The following BCL2 variants were observed in gnomAD, a reference collection of about 807,000 sequenced individuals.
The protein encoded by BCL2 is BCL2 apoptosis regulator, also known as apoptosis regulator Bcl-2.
BCL2 carries 1 observed loss-of-function variant against 14.2 expected under a neutral mutation model. The observed-to-expected ratio is 0.07, with a 90% confidence interval of 0.02 to 0.33. The LOEUF is 0.33. Ranked by LOEUF, BCL2 falls within the 10% of genes least tolerant of loss-of-function variation. The pLI, the probability that BCL2 is intolerant of heterozygous loss-of-function variation, is 0.99. For missense variants in BCL2, 247 were observed against 305.9 expected, an observed-to-expected ratio of 0.81 and a Z score of 1.44; for synonymous variants, 151 against 137.2, an observed-to-expected ratio of 1.10 and a Z score of -0.70.
At position 63,152,730 on chromosome 18, in the gene BCL2, T is replaced by C. The variant is rs7244494; in HGVS notation, c.586-23971A>G. Among the ~76,000 whole-genome samples the C allele has an allele frequency of 5.7e-3, 867 of 152,350 alleles. 8 individuals carry two copies. The highest frequency in any genetic ancestry group is 0.019 in the African/African-American group (805 of 41,576). Reference sequence around the variant, plus strand: ...CTCAGTGCCTACTAGAGCCTCCTTTTCTCCTGGAAGACATAATGACTTGGG... The same window carrying C: ...CTCAGTGCCTACTAGAGCCTCCTTTCCTCCTGGAAGACATAATGACTTGGG... On this transcript the variant is annotated intron_variant, in intron 2 of 2. Transcript: ENST00000333681.
chr18:63,149,211 G>A lies in BCL2; in HGVS notation c.586-20452C>T, dbSNP rs1388682629. ...GACAATTTTTCCACGAATGGGGTGG[G>A]GGATCATTTCAGGATGAAACTGTTC... On this transcript the variant is annotated intron_variant, in intron 2 of 2. Transcript: ENST00000333681. The surrounding 1 kb of genome is among the most constrained non-coding windows in gnomAD (Gnocchi z 4.2). 6.6e-6 allele frequency among the ~76,000 whole-genome samples: 1 copy of A among 152,182 alleles called. No homozygotes were observed. Among genetic ancestry groups the A allele is most frequent in the Non-Finnish European group, 1.5e-5 (1 of 68,034 alleles).
intron 2 of BCL2, among the ~76,000 whole-genome samples, chr18:63,176,855 C>T (rs552160991): frequency 6.6e-6 from 1 of 152,144 alleles, no homozygotes; most frequent in East Asian, 1.9e-4. Flanking sequence ...TGTTTGTACC[C>T]ATTAATCAGC....
At chr18:63,304,572 T>C (rs1039836345) in intron 2 of BCL2, among the ~76,000 whole-genome samples, 31 of 152,326 alleles carry the variant, frequency 2.0e-4, no homozygotes, top group Admixed American at 5.9e-4. Flanking sequence ...GTTCTTTTAA[T>C]TTTTTTGTTT....
At chr18:63,289,210 T>G (rs1031701547) in intron 2 of BCL2, among the ~76,000 whole-genome samples, 7 of 151,718 alleles carry the variant, frequency 4.6e-5, no homozygotes, top group Non-Finnish European at 1.0e-4. Context: ...AGGAAAAGTA[T>G]AGCAAACATT....
chr18:63,305,897 T>A (rs546951745), intron 2 of BCL2, among the ~76,000 whole-genome samples: 3 of 151,744 alleles, frequency 2.0e-5, no homozygotes, highest in East Asian at 1.9e-4. Flanking sequence ...CAAAGTGAGA[T>A]CCTGTCGCAA....
chr18:63,297,588 C>G (rs1346379909), intron 2 of BCL2, among the ~76,000 whole-genome samples: 2 of 152,246 alleles, frequency 1.3e-5, no homozygotes, highest in East Asian at 3.9e-4. Context: ...CTTTTAGTGA[C>G]TAAATGCCCA....
chr18:63,187,098 C>T (rs1425444190), intron 2 of BCL2, among the ~76,000 whole-genome samples: 3 of 152,202 alleles, frequency 2.0e-5, no homozygotes, highest in African/African-American at 4.8e-5. Flanking sequence ...TCGTTTCATT[C>T]TACACAAGTC....
intron 2 of BCL2, among the ~76,000 whole-genome samples, chr18:63,178,256 G>A (rs1915395847): frequency 6.6e-6 from 1 of 152,134 alleles, no homozygotes; most frequent in African/African-American, 2.4e-5. Context: ...GTGGTCCGCC[G>A]CTGAACAGGA....
intron 2 of BCL2, among the ~76,000 whole-genome samples, chr18:63,304,858 A>G (rs1913073993): frequency 6.6e-6 from 1 of 152,272 alleles, no homozygotes; most frequent in African/African-American, 2.4e-5. Context: ...AAGGACTCTG[A>G]GGAATTCAAA....
In BCL2 at chr18:63,318,292, G is replaced by C. The variant is rs972409029; in HGVS notation, c.375C>G (p.Thr125=). 10 of 1,614,042 alleles carry C rather than the reference G, an allele frequency of 6.2e-6. No homozygotes were observed. In the East Asian group the frequency reaches 2.2e-4, roughly 36 times the overall value. Residue 125 remains threonine (T), a synonymous_variant, in exon 2 of 3, where the codon ACC becomes ACG. Transcript: ENST00000333681. This position sits in a 1 kb window ranked among gnomAD's most constrained non-coding sequence, Gnocchi z 7.4. The part of the protein sequence containing the change: ...MSSQLHLTPF[T]ARGRFATVVE... Reference sequence around the variant, plus strand: ...CCACCGTGGCAAAGCGTCCCCGCGCGGTGAAGGGCGTCAGGTGCAGCTGGC... The same window carrying C: ...CCACCGTGGCAAAGCGTCCCCGCGCCGTGAAGGGCGTCAGGTGCAGCTGGC...
rs115672819 is a variant in BCL2 at position 63,194,888 on chromosome 18, G to A, written c.586-66129C>T. Among the ~76,000 whole-genome samples, 1,049 of 152,338 alleles carry A rather than the reference G, an allele frequency of 6.9e-3. 10 individuals are homozygous for A. Among genetic ancestry groups the A allele is most frequent in the African/African-American group, 0.024 (994 of 41,568 alleles). On this transcript the variant is annotated intron_variant, in intron 2 of 2. Coordinates refer to ENST00000333681, the MANE Select transcript of BCL2 (RefSeq NM_000633.3). The stretch of plus-strand genomic sequence containing the variant: ...AAGGCTTGCCTTGGACTCAGCTTCA[G>A]GATCTGAGAGTCGGCCTGGGGAAGT...
intron 2 of BCL2, among the ~76,000 whole-genome samples, chr18:63,235,063 A>G (rs1050656431): frequency 3.3e-5 from 5 of 152,262 alleles, no homozygotes; most frequent in Admixed American, 1.3e-4. Context: ...ACTACTCGGT[A>G]TGCAAATGAA....
rs570933575 is a variant in BCL2 at position 63,308,673 on chromosome 18, T to C, written c.585+9409A>G. The stretch of plus-strand genomic sequence containing the variant: ...TACTTTTTCAATTCAATGAAAAGGA[T>C]GAAATCAAAACACTTAATAGGTATT... On this transcript the variant is annotated intron_variant, in intron 2 of 2. Transcript: ENST00000333681. 6.8e-4 allele frequency among the ~76,000 whole-genome samples: 104 copies of C among 152,354 alleles called. 2 individuals are homozygous for C. The highest frequency in any genetic ancestry group is 2.4e-3 in the African/African-American group (101 of 41,590).
chr18:63,317,651 C>T (rs2144319825), intron 2 of BCL2: 2 of 1,024,426 alleles, frequency 2.0e-6, no homozygotes, highest in Non-Finnish European at 2.3e-6. Flanking sequence ...TTCAGGGGAG[C>T]TTGTTTGGGA....
intron 2 of BCL2, among the ~76,000 whole-genome samples, chr18:63,216,198 T>G (rs1910197725): frequency 6.6e-6 from 1 of 152,154 alleles, no homozygotes; most frequent in Non-Finnish European, 1.5e-5. Context: ...AATTCTATCT[T>G]GCTTTTGTAA....
chr18:63,255,862 A>G (rs1286776799), intron 2 of BCL2, among the ~76,000 whole-genome samples: 1 of 148,746 alleles, frequency 6.7e-6, no homozygotes, highest in Non-Finnish European at 1.5e-5. Flanking sequence ...TTTCTTACCA[A>G]AAAAAAAAAA....
intron 2 of BCL2, among the ~76,000 whole-genome samples, chr18:63,169,179 G>C (rs1442848217): frequency 2.6e-5 from 4 of 152,034 alleles, no homozygotes; most frequent in African/African-American, 9.7e-5. Flanking sequence ...GCTTCTTTTG[G>C]GCGGTCAGAA....
chr18:63,169,305 T>C (rs1915141497), intron 2 of BCL2, among the ~76,000 whole-genome samples: 10 of 69,674 alleles, frequency 1.4e-4, no homozygotes, highest in Non-Finnish European at 2.0e-4. Context: ...TCTTTCTTTC[T>C]TTCTTCCTTC....
rs79223723 is a variant in BCL2 at position 63,194,719 on chromosome 18, C to G, written c.586-65960G>C. On this transcript the variant is annotated intron_variant, in intron 2 of 2. Coordinates refer to ENST00000333681, the MANE Select transcript of BCL2 (RefSeq NM_000633.3). ...TTACAAAATAATTAAGTATAAAAAC[C>G]ATCTAATAAAGACAGCAGTGGTCCC... Among the ~76,000 whole-genome samples, 131 of 152,194 alleles carry G rather than the reference C, an allele frequency of 8.6e-4. 1 individual carries two copies. The East Asian group carries it at 0.024, about 27-fold the overall frequency.
Sources: allele counts gnomAD v4.1 joint callset (sites outside exome capture counted in the v4.1 genomes callset), GRCh38; gene constraint gnomAD v4.1.1; non-coding constraint Gnocchi (gnomAD v3.1); transcripts MANE v1.5; gene names NCBI Gene and HGNC (gene_info 2026-07-23, HGNC 2026-07-21).